RSAD2: variants seen among roughly 807,000 people sequenced by gnomAD.
RSAD2 encodes the protein S-adenosylmethionine-dependent nucleotide dehydratase RSAD2.
Under a neutral mutation model 37.7 loss-of-function variants are expected in RSAD2, and 38 were observed. The ratio of observed to expected loss-of-function variants is 1.01; its 90% CI spans 0.78 to 1.32. RSAD2 has a LOEUF of 1.32. Ranked by LOEUF, RSAD2 falls within the 40% of genes most tolerant of loss-of-function variation. The pLI, the probability that RSAD2 is intolerant of heterozygous loss-of-function variation, is 0.00. For missense variants in RSAD2, 428 were observed against 437.5 expected, an observed-to-expected ratio of 0.98 and a Z score of 0.19; for synonymous variants, 163 against 157.4, an observed-to-expected ratio of 1.04 and a Z score of -0.27.
At chr2:6,884,085 ATTAGCTCTTC>A (rs1338424656) in intron 2 of RSAD2, among the ~76,000 whole-genome samples, 1 of 152,250 alleles carries the variant, frequency 6.6e-6, no homozygotes, top group African/African-American at 2.4e-5. Flanking sequence ...CTTGGAAAAC[ATTAGCTCTTC>A]TTATATGGAC....
Position 6,878,037 on chromosome 2 carries a change from C to T in RSAD2, c.237C>T (p.Phe79=). 1.2e-6 allele frequency: 2 copies of T among 1,614,224 alleles called. No homozygotes were observed. The highest frequency in any genetic ancestry group is 1.1e-5 in the South Asian group (1 of 91,086). Residue 79 remains phenylalanine (F), a synonymous_variant, in exon 1 of 6, where the codon TTC becomes TTT. Transcript: ENST00000382040. ...CCCCAACCAGCGTCAACTATCACTT[C>T]ACTCGCCAGTGCAACTACAAATGCG... The part of the protein sequence containing the change: ...PTTPTSVNYH[F]TRQCNYKCGF...
chr2:6,866,924 G>T (rs1221929585), intron 1 of RSAD2, among the ~76,000 whole-genome samples: 1 of 152,122 alleles, frequency 6.6e-6, no homozygotes, highest in Non-Finnish European at 1.5e-5. Flanking sequence ...GGTGGTTGGA[G>T]TGTGGGTTAA....
rs1663770143 is a variant in RSAD2 at position 6,896,110 on chromosome 2, T to TA, written c.*169dup. On this transcript the variant is annotated 3_prime_UTR_variant, in exon 6 of 6. Transcript: ENST00000382040. Reference sequence around the variant, plus strand: ...TCACTGAACACACGAATAACTTGGATAGCAAATCCTGAGACAATGGAAAAC... The same window carrying TA: ...TCACTGAACACACGAATAACTTGGATAAGCAAATCCTGAGACAATGGAAAAC... 1 of 545,652 alleles carries TA rather than the reference T, an allele frequency of 1.8e-6. No individual in the cohort carries two copies. The highest frequency in any genetic ancestry group is 3.2e-6 in the Non-Finnish European group (1 of 314,480). 33.8% of individuals were successfully genotyped at this position (545,652 alleles called of 1,614,324 possible).
At position 6,877,812 on chromosome 2, in the gene RSAD2, T is replaced by TA; in HGVS notation, c.13dup (p.Thr5AsnfsTer54). On this transcript the variant is annotated frameshift_variant, in exon 1 of 6. Transcript: ENST00000382040. LOFTEE classifies it high-confidence loss of function. The stretch of plus-strand genomic sequence containing the variant: ...AGGCATCTGCCACAATGTGGGTGCT[T>TA]ACACCTGCTGCTTTTGCTGGGAAGC... The TA allele has an allele frequency of 6.2e-7, 1 of 1,613,694 alleles. No homozygotes were observed. The highest frequency in any genetic ancestry group is 8.5e-7 in the Non-Finnish European group (1 of 1,179,800).
Position 6,886,916 on chromosome 2 carries a change from C to A in RSAD2, c.509-19C>A. The A allele has an allele frequency of 6.3e-7, 1 of 1,596,472 alleles. No individual in the cohort carries two copies. The highest frequency in any genetic ancestry group is 1.1e-5 in the South Asian group (1 of 90,660). On this transcript the variant is annotated intron_variant, in intron 2 of 5. Transcript: ENST00000382040. ...TGGTCCTTGGATAGAAAAGTTTAAA[C>A]ATGATCATTTTCCCTCAGGTGAGTA...
At chr2:6,871,454 A>G (rs1663203316) in intron 1 of RSAD2, among the ~76,000 whole-genome samples, 1 of 152,234 alleles carries the variant, frequency 6.6e-6, no homozygotes, top group African/African-American at 2.4e-5. Flanking sequence ...ATCCTCCTCT[A>G]GCACACGCAG....
intron 1 of RSAD2, among the ~76,000 whole-genome samples, chr2:6,868,687 G>T (rs1055051509): frequency 6.6e-6 from 1 of 152,294 alleles, no homozygotes; most frequent in Middle Eastern, 3.4e-3. Context: ...CAATTTGTGG[G>T]CTTACAATTT....
At chr2:6,881,786 C>G (rs1663408593) in intron 1 of RSAD2, among the ~76,000 whole-genome samples, 1 of 151,486 alleles carries the variant, frequency 6.6e-6, no homozygotes, top group South Asian at 2.1e-4. Flanking sequence ...ATAGATCCAT[C>G]CTTCTAGAAT....
chr2:6,883,291 A>G, intron 1 of RSAD2, 80 bp from the exon 2 acceptor site: 2 of 1,464,930 alleles, frequency 1.4e-6, no homozygotes, highest in South Asian at 1.3e-5. Context: ...TTTTTTTTAC[A>G]TTGAGAAAAT....
intron 1 of RSAD2, among the ~76,000 whole-genome samples, chr2:6,879,567 C>G (rs1342034362): frequency 6.6e-6 from 1 of 152,124 alleles, no homozygotes; most frequent in East Asian, 1.9e-4. Flanking sequence ...TTTGAATTCT[C>G]CTTGATCCTC....
chr2:6,892,355 A>G (rs1183362390), intron 4 of RSAD2, among the ~76,000 whole-genome samples: 1 of 152,206 alleles, frequency 6.6e-6, no homozygotes, highest in Non-Finnish European at 1.5e-5. Flanking sequence ...GGGGTAGAGG[A>G]GGTTTTCCTC....
Position 6,896,167 on chromosome 2 carries a change from G to T in RSAD2, c.*225G>T. ...CTTTACTTCATTGGCTTATAACCTTGTTGTTATTGAAACAGCACTTCTGTT... is the reference window on the plus strand; with the variant it reads ...CTTTACTTCATTGGCTTATAACCTTTTTGTTATTGAAACAGCACTTCTGTT... On this transcript the variant is annotated 3_prime_UTR_variant, in exon 6 of 6. Transcript: ENST00000382040. The T allele has an allele frequency of 2.3e-6, 1 of 437,748 alleles. No individual in the cohort carries two copies. The highest frequency in any genetic ancestry group is 4.1e-6 in the Non-Finnish European group (1 of 245,896). 27.1% of individuals were successfully genotyped at this position (437,748 alleles called of 1,614,324 possible).
In RSAD2 at chr2:6,894,068, T is replaced by C. The variant is rs115522015; in HGVS notation, c.921+365T>C. ...CTGGAGGCTCTCCTGAGATAGGGCA[T>C]CCAGCCTACTTTGAAGGAAGGCCAT... On this transcript the variant is annotated intron_variant, in intron 5 of 5. Coordinates refer to ENST00000382040, the MANE Select transcript of RSAD2 (RefSeq NM_080657.5). Among the ~76,000 whole-genome samples the C allele has an allele frequency of 1.1e-3, 169 of 152,352 alleles. 2 individuals are homozygous for C. The highest frequency in any genetic ancestry group is 3.8e-3 in the African/African-American group (159 of 41,584).
rs76775024 is a variant in RSAD2, at chr2:6,892,526, T to A, written c.889-1145T>A. 6.6e-5 allele frequency among the ~76,000 whole-genome samples: 10 copies of A among 152,332 alleles called. No homozygotes were observed. The East Asian group carries it at 1.5e-3, about 23-fold the overall frequency. On this transcript the variant is annotated intron_variant, in intron 4 of 5. Transcript: ENST00000382040. Reference sequence around the variant, plus strand: ...ATGAGCCAGGTTGTATCATCCCCATTGTATACATCAAGAGGCCGAGTGGTA... The same window carrying A: ...ATGAGCCAGGTTGTATCATCCCCATAGTATACATCAAGAGGCCGAGTGGTA...
upstream of RSAD2, chr2:6,877,656 C>G: frequency 1.6e-6 from 1 of 637,572 alleles, no homozygotes; most frequent in Non-Finnish European, 2.7e-6. Flanking sequence ...GTGGAAAAAT[C>G]GAAACTCTAA....
chr2:6,870,036 G>A (rs1241287819), intron 1 of RSAD2, among the ~76,000 whole-genome samples: 2 of 152,166 alleles, frequency 1.3e-5, no homozygotes, highest in Non-Finnish European at 2.9e-5. Flanking sequence ...TCAGAACTAA[G>A]TGAGTTTCAA....
chr2:6,889,338 G>A (rs1663585753), intron 3 of RSAD2, among the ~76,000 whole-genome samples: 1 of 152,034 alleles, frequency 6.6e-6, no homozygotes, highest in African/African-American at 2.4e-5. Context: ...TATGACCAGG[G>A]GCCAGTGGAG....
upstream of RSAD2, among the ~76,000 whole-genome samples, chr2:6,874,393 T>C (rs1663248041): frequency 6.6e-6 from 1 of 152,246 alleles, no homozygotes; most frequent in Non-Finnish European, 1.5e-5. Flanking sequence ...TGAGTATGAT[T>C]ATTTAGTTTA....
intron 2 of RSAD2, among the ~76,000 whole-genome samples, chr2:6,884,733 T>A (rs1297928028): frequency 6.6e-6 from 1 of 152,178 alleles, no homozygotes; most frequent in Non-Finnish European, 1.5e-5. Flanking sequence ...GCATGAAGAC[T>A]GTGGAGAACG....
Sources: allele counts gnomAD v4.1 joint callset (sites outside exome capture counted in the v4.1 genomes callset), GRCh38; gene constraint gnomAD v4.1.1; transcripts MANE v1.5; gene names NCBI Gene and HGNC (gene_info 2026-07-23, HGNC 2026-07-21).